EXOC6B: variants seen among roughly 807,000 people sequenced by gnomAD.
The protein encoded by EXOC6B is exocyst complex component 6B.
Under a neutral mutation model 113.5 loss-of-function variants are expected in EXOC6B, and 54 were observed. That is an observed-to-expected ratio of 0.48 (90% CI 0.38 to 0.60). The LOEUF (loss-of-function observed/expected upper bound fraction) is 0.60. Ranked by LOEUF, EXOC6B falls within the 20% of genes least tolerant of loss-of-function variation. The probability of loss-of-function intolerance (pLI) is 0.00; values close to 1 mark genes in which losing one functional copy is unlikely to be tolerated. For synonymous variants in EXOC6B, 357 were observed against 339.0 expected (o/e 1.05, Z -0.58); for missense variants, 797 against 977.5 (o/e 0.82, Z 2.46).
intron 6 of EXOC6B, among the ~76,000 whole-genome samples, chr2:72,690,761 A>G (rs1026434660): frequency 1.3e-5 from 2 of 152,216 alleles, no homozygotes; most frequent in Non-Finnish European, 2.9e-5. Context: ...TGGCACAACA[A>G]TACAGAGAAA....
chr2:72,605,066 T>C (rs1261003172), intron 6 of EXOC6B, among the ~76,000 whole-genome samples: 1 of 152,000 alleles, frequency 6.6e-6, no homozygotes, highest in Non-Finnish European at 1.5e-5. Context: ...GGGTGGATTA[T>C]GAGGTCGGGA....
In EXOC6B at chr2:72,746,452, G is replaced by A. The variant is rs553488400; in HGVS notation, c.114-4983C>T. Reference sequence around the variant, plus strand: ...TGCAAAAAGTAAATTATTTATCCTCGTATAACTATCTGGTGCATAGCTCTA... The same window carrying A: ...TGCAAAAAGTAAATTATTTATCCTCATATAACTATCTGGTGCATAGCTCTA... On this transcript the variant is annotated intron_variant, in intron 1 of 21. Transcript: ENST00000272427. Among the ~76,000 whole-genome samples the A allele has an allele frequency of 6.6e-5, 10 of 151,978 alleles. No homozygotes were observed. In the South Asian group the frequency reaches 8.3e-4, roughly 13 times the overall value.
At chr2:72,409,444 A>G (rs929968287) in intron 18 of EXOC6B, among the ~76,000 whole-genome samples, 1 of 152,220 alleles carries the variant, frequency 6.6e-6, no homozygotes. Flanking sequence ...ACTATTCACA[A>G]CAGCAAAGAC....
At chr2:72,189,861 T>TTTCTTTTTTC (rs1553462594) in intron 20 of EXOC6B, among the ~76,000 whole-genome samples, 2 of 55,588 alleles carry the variant, frequency 3.6e-5, no homozygotes, top group Admixed American at 1.6e-4. Flanking sequence ...CTTCTTCTTC[T>TTTCTTTTTTC]TTTTTTTTTT....
At chr2:72,627,839 C>A (rs1672153145) in intron 6 of EXOC6B, among the ~76,000 whole-genome samples, 1 of 151,620 alleles carries the variant, frequency 6.6e-6, no homozygotes, top group African/African-American at 2.4e-5. Flanking sequence ...ACAATCCTCT[C>A]ACCTCACCCT....
At chr2:72,634,142 G>A (rs1029841089) in intron 6 of EXOC6B, among the ~76,000 whole-genome samples, 5 of 152,078 alleles carry the variant, frequency 3.3e-5, no homozygotes, top group African/African-American at 1.2e-4. Context: ...GAGCAAGTAG[G>A]AGAAAGACTC....
chr2:72,695,500 C>A (rs1677807377), intron 6 of EXOC6B, among the ~76,000 whole-genome samples: 1 of 151,324 alleles, frequency 6.6e-6, no homozygotes, highest in Admixed American at 6.6e-5. Flanking sequence ...ACAGAGAAAC[C>A]AAAGAAAAGT....
chr2:72,660,578 T>C (rs1321879997), intron 6 of EXOC6B, among the ~76,000 whole-genome samples: 2 of 152,222 alleles, frequency 1.3e-5, no homozygotes, highest in Non-Finnish European at 2.9e-5. Context: ...ACATTTATTC[T>C]GTAATTATTT....
intron 1 of EXOC6B, among the ~76,000 whole-genome samples, chr2:72,761,725 TA>T (rs1682752430): frequency 6.6e-6 from 1 of 152,074 alleles, no homozygotes; most frequent in Non-Finnish European, 1.5e-5. Flanking sequence ...GAGAATTTAC[TA>T]AAAACAAAAA....
chr2:72,698,279 G>T lies in EXOC6B; in HGVS notation c.669+19824C>A, dbSNP rs1054462607. On this transcript the variant is annotated intron_variant, in intron 6 of 21. Transcript: ENST00000272427. Reference sequence around the variant, plus strand: ...GAATGGAATTAAAGCAATAAAGAATGGTGGAGACAGATAATTAAGGAACAA... The same window carrying T: ...GAATGGAATTAAAGCAATAAAGAATTGTGGAGACAGATAATTAAGGAACAA... Among the ~76,000 whole-genome samples the T allele has an allele frequency of 2.6e-5, 4 of 152,162 alleles. No homozygotes were observed. In the East Asian group the frequency reaches 7.7e-4, roughly 29 times the overall value.
intron 20 of EXOC6B, among the ~76,000 whole-genome samples, chr2:72,197,389 A>G (rs1438495047): frequency 6.6e-6 from 1 of 152,184 alleles, no homozygotes; most frequent in Non-Finnish European, 1.5e-5. Context: ...GGCTAATTGG[A>G]TGAAAGCAGA....
intron 1 of EXOC6B, among the ~76,000 whole-genome samples, chr2:72,758,329 C>T (rs1682562741): frequency 6.6e-6 from 1 of 151,888 alleles, no homozygotes; most frequent in South Asian, 2.1e-4. Context: ...AAGAGAGTAG[C>T]TTCAATGGTT....
intron 20 of EXOC6B, among the ~76,000 whole-genome samples, chr2:72,252,522 GT>G (rs1180760356): frequency 3.3e-5 from 5 of 152,140 alleles, no homozygotes; most frequent in Admixed American, 6.5e-5. Flanking sequence ...AAAAGCTTCA[GT>G]TTTGTCATCT....
At chr2:72,229,622 T>C (rs1019572404) in intron 20 of EXOC6B, among the ~76,000 whole-genome samples, 1 of 152,156 alleles carries the variant, frequency 6.6e-6, no homozygotes, top group Non-Finnish European at 1.5e-5. Context: ...CAAATGCAAA[T>C]ATCTATTCAA....
intron 1 of EXOC6B, among the ~76,000 whole-genome samples, chr2:72,762,096 T>A (rs1417354444): frequency 2.0e-5 from 3 of 151,808 alleles, no homozygotes; most frequent in African/African-American, 7.3e-5. Flanking sequence ...ATACAAAAAT[T>A]AGCTGGGCGT....
intron 20 of EXOC6B, among the ~76,000 whole-genome samples, chr2:72,235,052 T>C (rs569186549): frequency 1.1e-4 from 16 of 152,268 alleles, no homozygotes; most frequent in African/African-American, 3.6e-4. Flanking sequence ...ACTAAGTATA[T>C]ACCCAAAGGA....
intron 21 of EXOC6B, 118 bp from the exon 22 acceptor site, chr2:72,179,579 C>A: frequency 8.5e-7 from 1 of 1,180,650 alleles, no homozygotes. Context: ...ATGAGAGAGT[C>A]CAGAATATCT....
At chr2:72,470,077 C>A (rs1430183626) in intron 17 of EXOC6B, among the ~76,000 whole-genome samples, 1 of 151,574 alleles carries the variant, frequency 6.6e-6, no homozygotes, top group Non-Finnish European at 1.5e-5. Flanking sequence ...TTTTTAGTTC[C>A]CTATGAATTT....
intron 20 of EXOC6B, among the ~76,000 whole-genome samples, chr2:72,262,745 T>A (rs1260034869): frequency 1.3e-5 from 2 of 152,200 alleles, no homozygotes; most frequent in African/African-American, 4.8e-5. Context: ...TCATTGTCTA[T>A]CTTTCCCACC....
Sources: allele counts gnomAD v4.1 joint callset (sites outside exome capture counted in the v4.1 genomes callset), GRCh38; gene constraint gnomAD v4.1.1; transcripts MANE v1.5; gene names NCBI Gene and HGNC (gene_info 2026-07-23, HGNC 2026-07-21).